The following TENM4 variants were observed in gnomAD, a reference collection of about 807,000 sequenced individuals.
The protein encoded by TENM4 is teneurin transmembrane protein 4.
A neutral mutation model predicts 243.3 loss-of-function variants in TENM4; 82 were observed. The ratio of observed to expected loss-of-function variants is 0.34; its 90% CI spans 0.28 to 0.40. TENM4 has a LOEUF of 0.40. Among genes scored for constraint, TENM4 ranks in the 10% least tolerant of loss-of-function variants. The pLI, the probability that TENM4 is intolerant of heterozygous loss-of-function variation, is 1.00. For missense variants in TENM4, 3,138 were observed against 3,673.3 expected (o/e 0.85, Z 3.77); for synonymous variants, 1,412 against 1,456.3 (o/e 0.97, Z 0.69).
intron 6 of TENM4, among the ~76,000 whole-genome samples, chr11:79,043,024 A>G (rs146383448): frequency 2.1e-4 from 32 of 152,330 alleles, no homozygotes; most frequent in Admixed American, 5.2e-4. Flanking sequence ...CAGTACATGC[A>G]TGTATGAGCA....
intron 2 of TENM4, among the ~76,000 whole-genome samples, chr11:79,218,118 C>T (rs1433737640): frequency 6.6e-6 from 1 of 152,134 alleles, no homozygotes; most frequent in Non-Finnish European, 1.5e-5. Context: ...TAAAAATAGG[C>T]AGTACACTAA....
At chr11:79,184,132 T>C (rs770366634) in intron 3 of TENM4, among the ~76,000 whole-genome samples, 31 of 152,304 alleles carry the variant, frequency 2.0e-4, no homozygotes, top group Admixed American at 3.3e-4. Flanking sequence ...AACTGGATAA[T>C]GTGATCTATG....
At chr11:78,756,737 AAG>A in intron 19 of TENM4, 66 bp downstream of exon 19, 2 of 1,458,476 alleles carry the variant, frequency 1.4e-6, no homozygotes, top group Non-Finnish European at 1.9e-6. Flanking sequence ...ATTCATCCAA[AAG>A]AGGCTCTAGA....
chr11:78,976,734 C>T (rs10899578), intron 6 of TENM4, among the ~76,000 whole-genome samples: 11,391 of 152,126 alleles, frequency 0.075, 1,153 homozygotes, highest in African/African-American at 0.21. Flanking sequence ...CCTGAGTGAC[C>T]AGGTCTGGTT....
In TENM4 at chr11:78,653,415, C is replaced by A. The variant is rs1338944097; in HGVS notation, c.*4643G>T. The A allele has an allele frequency of 1.3e-5, 2 of 151,948 alleles. No individual in the cohort carries two copies. Among genetic ancestry groups the A allele is most frequent in the African/African-American group, 4.8e-5 (2 of 41,354 alleles). 9.4% of individuals were successfully genotyped at this position (151,948 alleles called of 1,614,324 possible). A position where few individuals can be genotyped will look rare whatever the true frequency, so the allele number is the denominator to read the frequency against. On this transcript the variant is annotated 3_prime_UTR_variant, in exon 34 of 34. Transcript: ENST00000278550. Reference sequence around the variant, plus strand: ...ACAGCCTTGTTGGTATTTACACAGTCAAGATACAGTGTTAGAAACACAAAA... The same window carrying A: ...ACAGCCTTGTTGGTATTTACACAGTAAAGATACAGTGTTAGAAACACAAAA...
intron 1 of TENM4, among the ~76,000 whole-genome samples, chr11:79,381,688 C>G (rs75122747): frequency 0.029 from 4,371 of 151,320 alleles, 224 homozygotes; most frequent in African/African-American, 0.1. Context: ...TTCACTTGAG[C>G]GCTGTTTGGC....
intron 3 of TENM4, among the ~76,000 whole-genome samples, chr11:79,158,463 C>A (rs1324882040): frequency 6.6e-6 from 1 of 152,170 alleles, no homozygotes; most frequent in Non-Finnish European, 1.5e-5. Context: ...CCTCCAGGTC[C>A]TTACCTGTAA....
chr11:79,352,417 C>A (rs566710), intron 1 of TENM4, among the ~76,000 whole-genome samples: 27,396 of 152,214 alleles, frequency 0.18, 3,126 homozygotes, highest in East Asian at 0.3. Flanking sequence ...GACCTCCCCT[C>A]TGCTGCCCCA....
At chr11:79,190,253 A>C (rs1230903598) in intron 3 of TENM4, among the ~76,000 whole-genome samples, 2 of 152,224 alleles carry the variant, frequency 1.3e-5, no homozygotes, top group Non-Finnish European at 2.9e-5. Context: ...GTCAGCTACC[A>C]GTTAAATTGC....
At chr11:79,409,135 T>C (rs1323615534) in intron 1 of TENM4, among the ~76,000 whole-genome samples, 4 of 146,732 alleles carry the variant, frequency 2.7e-5, no homozygotes, top group African/African-American at 1.0e-4. Context: ...CGCACGCACA[T>C]GCGTGAGAGT....
chr11:78,865,992 TTGA>T (rs1352782929), intron 9 of TENM4, among the ~76,000 whole-genome samples: 2 of 152,240 alleles, frequency 1.3e-5, no homozygotes, highest in East Asian at 1.9e-4. Flanking sequence ...ATTTGTACTG[TTGA>T]TGATAATGAA....
At chr11:79,421,981 C>T (rs1198497018) in intron 1 of TENM4, among the ~76,000 whole-genome samples, 1 of 152,056 alleles carries the variant, frequency 6.6e-6, no homozygotes, top group African/African-American at 2.4e-5. Flanking sequence ...GGGAAGGGCT[C>T]TTAACGCACA....
At chr11:78,762,768 T>C (rs527748399) in intron 18 of TENM4, among the ~76,000 whole-genome samples, 1 of 152,312 alleles carries the variant, frequency 6.6e-6, no homozygotes, top group South Asian at 2.1e-4. Flanking sequence ...TATTTTCAAA[T>C]GTAGCATATG....
intron 7 of TENM4, among the ~76,000 whole-genome samples, chr11:78,891,687 C>T (rs980905069): frequency 3.3e-4 from 50 of 152,128 alleles, no homozygotes; most frequent in African/African-American, 1.2e-3. Flanking sequence ...AATCCTCATT[C>T]TACAGGTGAG....
chr11:79,069,829 T>C lies in TENM4; in HGVS notation c.116A>G (p.Tyr39Cys). Residue 39 changes from tyrosine (Y) to cysteine (C), a missense_variant, in exon 5 of 34, where the codon TAC becomes TGC. This residue lies in a region of TENM4 where 671 missense variants were observed against 614.1 expected (regional missense o/e 1.09). Coordinates refer to ENST00000278550, the MANE Select transcript of TENM4 (RefSeq NM_001098816.3). ...SEEGKAPQKS[Y>C]SSSETLKAYD... is the part of the protein sequence containing the mutation. ...GGCCTTCAGGGTCTCGCTGGAGCTG[T>C]ACGATTTCTGCGGGGCTTTGCCCTC... 6.4e-7 allele frequency: 1 copy of C among 1,550,970 alleles called. No individual in the cohort carries two copies. The highest frequency in any genetic ancestry group is 8.7e-7 in the Non-Finnish European group (1 of 1,146,894).
intron 6 of TENM4, among the ~76,000 whole-genome samples, chr11:78,990,063 T>TAAAAAAAAAAAAAAAAA (rs780530657): frequency 2.2e-5 from 3 of 139,030 alleles, no homozygotes; most frequent in African/African-American, 8.2e-5. Context: ...AGGCTTTGTT[T>TAAAAAAAAAAAAAAAAA]AAAAAAAAAA....
rs149195417 is a variant in TENM4 at position 79,345,198 on chromosome 11, G to T, written c.-320-47655C>A. 2.9e-3 allele frequency among the ~76,000 whole-genome samples: 441 copies of T among 152,332 alleles called. 1 individual carries two copies. The highest frequency in any genetic ancestry group is 1.0e-2 in the African/African-American group (415 of 41,580). On this transcript the variant is annotated intron_variant, in intron 1 of 33. Transcript: ENST00000278550. ...AATTCTATTCTCTGAACCCAAAGGG[G>T]AGGGAGCAAAGCCAAGAAACACGGG...
At chr11:78,673,008 G>C (rs1858373741) in intron 30 of TENM4, among the ~76,000 whole-genome samples, 1 of 152,084 alleles carries the variant, frequency 6.6e-6, no homozygotes, top group African/African-American at 2.4e-5. Flanking sequence ...GGGAGGCAGT[G>C]AGTGTTTGTC....
chr11:79,236,863 C>T (rs1240077292), intron 2 of TENM4, among the ~76,000 whole-genome samples: 3 of 152,126 alleles, frequency 2.0e-5, no homozygotes, highest in Non-Finnish European at 4.4e-5. Context: ...TTCCCACCCA[C>T]ACAGTGGTGG....
Sources: allele counts gnomAD v4.1 joint callset (sites outside exome capture counted in the v4.1 genomes callset), GRCh38; gene constraint gnomAD v4.1.1; regional missense constraint gnomAD v4.1.1; transcripts MANE v1.5; gene names NCBI Gene and HGNC (gene_info 2026-07-23, HGNC 2026-07-21).